PALLD: variants seen among roughly 807,000 people sequenced by gnomAD.
PALLD encodes palladin.
A neutral mutation model predicts 123.5 loss-of-function variants in PALLD; 61 were observed. The observed-to-expected ratio is 0.49, with a 90% CI of 0.40 to 0.61. PALLD has a LOEUF of 0.61. Among genes scored for constraint, PALLD ranks in the 20% least tolerant of loss-of-function variants. PALLD has a pLI of 0.00. For missense variants in PALLD, 1,273 were observed against 1,377.0 expected, an observed-to-expected ratio of 0.92 and a Z score of 1.20; for synonymous variants, 465 against 496.4, an observed-to-expected ratio of 0.94 and a Z score of 0.84.
At chr4:168,854,074 CAG>C (rs1159014095) in intron 10 of PALLD, among the ~76,000 whole-genome samples, 2 of 152,164 alleles carry the variant, frequency 1.3e-5, no homozygotes, top group Non-Finnish European at 2.9e-5. Context: ...GATGAGAAAA[CAG>C]AGGTACGAAA....
At chr4:168,840,892 C>T (rs192342313) in intron 10 of PALLD, among the ~76,000 whole-genome samples, 7 of 152,122 alleles carry the variant, frequency 4.6e-5, no homozygotes, top group Non-Finnish European at 8.8e-5. Flanking sequence ...GCTCTGTTGC[C>T]CAGGCTGGAG....
chr4:168,715,807 G>A (rs761822831), intron 10 of PALLD, among the ~76,000 whole-genome samples: 10 of 152,092 alleles, frequency 6.6e-5, no homozygotes, highest in Non-Finnish European at 7.4e-5. Context: ...AAAATTAGCC[G>A]GGCGTGGTGG....
chr4:168,761,319 G>A (rs1033565931), intron 10 of PALLD, among the ~76,000 whole-genome samples: 2 of 152,086 alleles, frequency 1.3e-5, no homozygotes, highest in Non-Finnish European at 2.9e-5. Context: ...CCTGTGGTCC[G>A]CTGTAGGGCT....
intron 10 of PALLD, among the ~76,000 whole-genome samples, chr4:168,840,114 T>A (rs76321831): frequency 0.16 from 24,500 of 151,962 alleles, 2,004 homozygotes; most frequent in South Asian, 0.25. Flanking sequence ...AGATTTTTTT[T>A]AAAAAAAATC....
intron 3 of PALLD, among the ~76,000 whole-genome samples, chr4:168,680,388 A>G (rs1781427547): frequency 6.8e-6 from 1 of 147,234 alleles, no homozygotes. Context: ...CTCAGAAGGC[A>G]GGAGAATCAC....
In PALLD at chr4:168,614,535, TA is replaced by T. The variant is rs903606414; in HGVS notation, c.909-53646del. Among the ~76,000 whole-genome samples the T allele has an allele frequency of 4.4e-4, 67 of 151,524 alleles. No homozygotes were observed. The East Asian group carries it at 8.3e-3, about 19-fold the overall frequency. On this transcript the variant is annotated intron_variant, in intron 2 of 21. Transcript: ENST00000505667. Reference sequence around the variant, plus strand: ...AGCAATAAACAAATGGGACTCTGATTAAAAAAAAATACTTTGTAAGTATCAT... The same window carrying T: ...AGCAATAAACAAATGGGACTCTGATTAAAAAAAATACTTTGTAAGTATCAT...
chr4:168,792,195 A>G (rs1055102312), intron 10 of PALLD, among the ~76,000 whole-genome samples: 3 of 152,112 alleles, frequency 2.0e-5, no homozygotes, highest in Admixed American at 6.5e-5. Flanking sequence ...CTGGATCAAG[A>G]TTCCTGTGGG....
chr4:168,748,856 G>A (rs535568939), intron 10 of PALLD, among the ~76,000 whole-genome samples: 2 of 152,314 alleles, frequency 1.3e-5, no homozygotes, highest in East Asian at 3.9e-4. Flanking sequence ...GCAATTTGCT[G>A]CTTCTTCAAG....
At chr4:168,507,650 C>G (rs1410806543) in intron 1 of PALLD, 1 of 197,310 alleles carries the variant, frequency 5.1e-6, no homozygotes, top group Non-Finnish European at 1.1e-5. Flanking sequence ...CTTCCTCTTT[C>G]CCTACCTCTG....
intron 2 of PALLD, among the ~76,000 whole-genome samples, chr4:168,576,996 T>C (rs917785536): frequency 4.6e-5 from 7 of 152,120 alleles, no homozygotes; most frequent in South Asian, 2.1e-4. Flanking sequence ...AAATGATTAG[T>C]AGTGATAAAT....
intron 2 of PALLD, among the ~76,000 whole-genome samples, chr4:168,556,101 C>CTT (rs200922102): frequency 1.4e-4 from 21 of 150,748 alleles, no homozygotes; most frequent in Admixed American, 2.6e-4. Context: ...ATATTAATAC[C>CTT]CTTTTTTTTT....
At chr4:168,601,307 C>T (rs1163775894) in intron 2 of PALLD, among the ~76,000 whole-genome samples, 1 of 152,186 alleles carries the variant, frequency 6.6e-6, no homozygotes, top group Non-Finnish European at 1.5e-5. Context: ...GAATAAGACT[C>T]ATTATGGTCA....
In PALLD at chr4:168,884,573, T is replaced by C. The variant is rs75273953; in HGVS notation, c.1965-6349T>C. Among the ~76,000 whole-genome samples the C allele has an allele frequency of 1.8e-4, 27 of 152,346 alleles. No individual in the cohort carries two copies. In the East Asian group the frequency reaches 5.2e-3, roughly 29 times the overall value. ...TGCGTTTACCACCTCCTGATATGTCTTGCCTTCCATTCTTTTCTCTTATCT... is the reference window on the plus strand; with the variant it reads ...TGCGTTTACCACCTCCTGATATGTCCTGCCTTCCATTCTTTTCTCTTATCT... On this transcript the variant is annotated intron_variant, in intron 10 of 21. Transcript: ENST00000505667.
chr4:168,501,555 G>A (rs924742765), intron 1 of PALLD, among the ~76,000 whole-genome samples: 21 of 152,186 alleles, frequency 1.4e-4, no homozygotes, highest in Admixed American at 9.2e-4. Context: ...ATTCAAGGTT[G>A]ATAGGATTCT....
rs561059777 is a variant in PALLD at position 168,504,232 on chromosome 4, G to A, written c.-83+7038G>A. ...AAGGAAGCATGACTGTAAGATGGGC[G>A]AGGCCAAGGAAGAGTCATTTCCTCC... On this transcript the variant is annotated intron_variant, in intron 1 of 21. Transcript: ENST00000505667. 5.3e-5 allele frequency among the ~76,000 whole-genome samples: 8 copies of A among 152,316 alleles called. No individual in the cohort carries two copies. In the South Asian group the frequency reaches 6.2e-4, roughly 12 times the overall value.
rs771064086 is a variant in PALLD at position 168,891,061 on chromosome 4, C to A, written c.2100+4C>A. ...CCTCCTGAACAATGGCCAGCCGGTA[C>A]TGATAGATTTGGGACCTGGACTTGG... On this transcript the variant is annotated splice_donor_region_variant and intron_variant, in intron 11 of 21. Coordinates refer to ENST00000505667, the MANE Select transcript of PALLD (RefSeq NM_001166108.2). The A allele has an allele frequency of 1.9e-6, 3 of 1,614,058 alleles. No individual in the cohort carries two copies. Among genetic ancestry groups the A allele is most frequent in the Non-Finnish European group, 2.5e-6 (3 of 1,179,928 alleles).
chr4:168,667,235 C>T (rs1580845034), intron 2 of PALLD, among the ~76,000 whole-genome samples: 1 of 152,024 alleles, frequency 6.6e-6, no homozygotes, highest in East Asian at 1.9e-4. Flanking sequence ...ATGTGAAATC[C>T]AAGTAATTTT....
chr4:168,500,705 A>T (rs998965664), intron 1 of PALLD, among the ~76,000 whole-genome samples: 1 of 152,144 alleles, frequency 6.6e-6, no homozygotes, highest in Non-Finnish European at 1.5e-5. Flanking sequence ...CTGACAACAT[A>T]GAGGATTCTC....
intron 10 of PALLD, among the ~76,000 whole-genome samples, chr4:168,848,277 C>T (rs1747205562): frequency 6.6e-6 from 1 of 151,934 alleles, no homozygotes; most frequent in Admixed American, 6.6e-5. Flanking sequence ...TGTCCTGGGG[C>T]CTGTCCTTGA....
Sources: allele counts gnomAD v4.1 joint callset (sites outside exome capture counted in the v4.1 genomes callset), GRCh38; gene constraint gnomAD v4.1.1; transcripts MANE v1.5; gene names NCBI Gene and HGNC (gene_info 2026-07-23, HGNC 2026-07-21).